The following TKT variants were observed in gnomAD, a reference collection of about 807,000 sequenced individuals.
TKT encodes the protein epididymis luminal protein 107.
Under a neutral mutation model 63.9 loss-of-function variants are expected in TKT, and 47 were observed. The observed-to-expected ratio is 0.74, with a 90% CI of 0.58 to 0.94. The LOEUF is 0.94. Among genes scored for constraint, TKT ranks in the 40% least tolerant of loss-of-function variants. TKT has a pLI of 0.00. For missense variants in TKT, 721 were observed against 846.2 expected (o/e 0.85, Z 1.84); for synonymous variants, 338 against 334.1 (o/e 1.01, Z -0.13).
chr3:53,234,296 C>T (rs1325680077), intron 5 of TKT: 2 of 152,332 alleles, frequency 1.3e-5, no homozygotes, highest in Non-Finnish European at 2.9e-5. Flanking sequence ...CCGCAAAACG[C>T]AGTCCTGGAG....
chr3:53,252,013 G>A (rs1553681712), intron 1 of TKT, among the ~76,000 whole-genome samples: 1 of 152,226 alleles, frequency 6.6e-6, no homozygotes, highest in African/African-American at 2.4e-5. Context: ...GGTGGTGCAT[G>A]CCTGTAATCC....
At chr3:53,230,984 G>A (rs1704729244) in intron 7 of TKT, among the ~76,000 whole-genome samples, 1 of 152,244 alleles carries the variant, frequency 6.6e-6, no homozygotes, top group Non-Finnish European at 1.5e-5. Context: ...CCTTGGGACA[G>A]AAACCTGGAG....
At chr3:53,232,631 C>T (rs1415995662) in intron 6 of TKT, 6 of 398,156 alleles carry the variant, frequency 1.5e-5, no homozygotes, top group Non-Finnish European at 2.7e-5. Flanking sequence ...CTTACGCCTG[C>T]CTCATTCTCC....
chr3:53,234,905 C>T, intron 5 of TKT, 78 bp downstream of exon 5: 6 of 1,430,276 alleles, frequency 4.2e-6, no homozygotes, highest in Non-Finnish European at 4.7e-6. Context: ...TCAGCTCCTG[C>T]ACCTGCACCT....
intron 1 of TKT, among the ~76,000 whole-genome samples, chr3:53,245,507 G>T (rs1705466960): frequency 6.6e-6 from 1 of 152,032 alleles, no homozygotes; most frequent in South Asian, 2.1e-4. Flanking sequence ...TGTCAGGTTG[G>T]GCGCGGTAGC....
intron 9 of TKT, 48 bp from the exon 10 acceptor site, chr3:53,229,185 C>G (rs111651975): frequency 3.0e-5 from 48 of 1,613,518 alleles, no homozygotes; most frequent in Non-Finnish European, 3.3e-5. Context: ...CCTACCCCCC[C>G]ATCCATGGGC....
chr3:53,231,332 CAG>C, intron 7 of TKT, 23 bp downstream of exon 7: 1 of 1,610,042 alleles, frequency 6.2e-7, no homozygotes, highest in Non-Finnish European at 8.5e-7. Context: ...ACTATGGGTT[CAG>C]AGAAACAGGC....
At chr3:53,228,393 A>C in intron 10 of TKT, 34 bp from the exon 11 acceptor site, 1 of 1,610,114 alleles carries the variant, frequency 6.2e-7, no homozygotes, top group Non-Finnish European at 8.5e-7. Flanking sequence ...AGGATACAGG[A>C]TGTGGCACAC....
chr3:53,231,084 G>A (rs1181835547), intron 7 of TKT, among the ~76,000 whole-genome samples: 1 of 152,196 alleles, frequency 6.6e-6, no homozygotes, highest in South Asian at 2.1e-4. Context: ...GCAAGAACTT[G>A]GGAGTGAGTC....
Position 53,229,277 on chromosome 3 carries a change from C to T in TKT, c.1264+3G>A. 3 of 1,614,024 alleles carry T rather than the reference C, an allele frequency of 1.9e-6. No homozygotes were observed. Among genetic ancestry groups the T allele is most frequent in the Non-Finnish European group, 2.5e-6 (3 of 1,179,950 alleles). ...CAGGTGTAAACACCCTGGCTAAACT[C>T]ACCGATGGAAACGCCGCAGTGGGAG... On this transcript the variant is annotated splice_donor_region_variant and intron_variant, in intron 9 of 13. Transcript: ENST00000462138.
intron 1 of TKT, among the ~76,000 whole-genome samples, chr3:53,254,482 T>C (rs782415292): frequency 6.6e-6 from 1 of 152,226 alleles, no homozygotes; most frequent in South Asian, 2.1e-4. Context: ...AAAGGGTGAA[T>C]GCGTATCCAC....
chr3:53,234,709 G>A (rs1201272965), intron 5 of TKT: 1 of 328,152 alleles, frequency 3.0e-6, no homozygotes, highest in East Asian at 5.4e-5. Flanking sequence ...AACAAAGCGA[G>A]CTGACGTGAG....
intron 12 of TKT, chr3:53,227,123 A>T: frequency 2.1e-6 from 1 of 487,332 alleles, no homozygotes; most frequent in East Asian, 3.9e-5. Context: ...CCCAGAGCGG[A>T]GCGTGCAGGC....
At chr3:53,226,995 G>GCCTGTC (rs1480086975) in intron 12 of TKT, 117 bp from the exon 13 acceptor site, 6 of 1,321,544 alleles carry the variant, frequency 4.5e-6, no homozygotes, top group South Asian at 1.5e-5. Flanking sequence ...CAGCCTGCGG[G>GCCTGTC]CCTGTCCCTG....
intron 1 of TKT, among the ~76,000 whole-genome samples, chr3:53,244,388 C>CT (rs1553680531): frequency 6.6e-6 from 1 of 152,168 alleles, no homozygotes; most frequent in African/African-American, 2.4e-5. Context: ...AGCTTCTTCA[C>CT]TTGGGAGAGT....
chr3:53,231,686 C>T, intron 6 of TKT, 136 bp from the exon 7 acceptor site: 1 of 912,808 alleles, frequency 1.1e-6, no homozygotes, highest in South Asian at 1.7e-5. Context: ...CAGGCAGAGC[C>T]CAGCCAGGCA....
Position 53,242,105 on chromosome 3 carries a change from G to C in TKT, c.225+20C>G, listed in dbSNP as rs373240714. Reference sequence around the variant, plus strand: ...AGTCCCAGGCAAGGTGTGGCTGGCAGTGGGCAGCTGGGCTCTTACCTTGGA... The same window carrying C: ...AGTCCCAGGCAAGGTGTGGCTGGCACTGGGCAGCTGGGCTCTTACCTTGGA... On this transcript the variant is annotated intron_variant, in intron 2 of 13. Coordinates refer to ENST00000462138, the MANE Select transcript of TKT (RefSeq NM_001064.4). The C allele has an allele frequency of 8.6e-5, 138 of 1,609,958 alleles. No individual in the cohort carries two copies. The highest frequency in any genetic ancestry group is 1.1e-4 in the Non-Finnish European group (134 of 1,176,462).
At chr3:53,250,845 GATC>G (rs1432320449) in intron 1 of TKT, among the ~76,000 whole-genome samples, 3 of 152,110 alleles carry the variant, frequency 2.0e-5, no homozygotes, top group African/African-American at 7.2e-5. Context: ...GCAGAGCCAT[GATC>G]ATAACTCACT....
rs782752603 is a variant in TKT, at chr3:53,229,010, T to C, written c.1392A>G (p.Thr464=). 2 of 1,614,108 alleles carry C rather than the reference T, an allele frequency of 1.2e-6. No individual in the cohort carries two copies. Among genetic ancestry groups the C allele is most frequent in the Admixed American group, 1.7e-5 (1 of 60,010 alleles). ...AAAGAACAGCCATGCAACCTACCTT[T>C]GTATTGGCGGCTAGTTCCACTGCCT... ...TEKAVELAAN[T]KGICFIRTSR... is the part of the protein sequence containing the mutation. The change falls in exon 10 of 14, where the codon ACA becomes ACG. Residue 464 remains threonine (T), a synonymous_variant. Transcript: ENST00000462138.
Sources: gnomAD v4.1 joint callset for allele counts (sites outside exome capture counted in the v4.1 genomes callset) on GRCh38, gnomAD v4.1.1 for gene constraint, MANE v1.5 for transcripts, NCBI Gene and HGNC (gene_info 2026-07-23, HGNC 2026-07-21) for gene names.